Variants in KLHL25 observed in about 807,000 individuals in gnomAD.
The protein encoded by KLHL25 is kelch-like protein 25.
KLHL25 carries 41 observed loss-of-function variants against 30.0 expected under a neutral mutation model. That is an observed-to-expected ratio of 1.37 (90% CI 1.07 to 1.78). The LOEUF (loss-of-function observed/expected upper bound fraction) is 1.78. Among genes scored for constraint, KLHL25 ranks in the 40% most tolerant of loss-of-function variants. KLHL25 has a pLI of 0.00. For synonymous variants in KLHL25, 399 were observed against 355.3 expected, an observed-to-expected ratio of 1.12 and a Z score of -1.38; for missense variants, 971 against 824.5, an observed-to-expected ratio of 1.18 and a Z score of -2.18.
In KLHL25 at chr15:85,768,121, T is replaced by C; in HGVS notation, c.1690A>G (p.Thr564Ala). The change falls in exon 2 of 3, where the codon ACA (threonine) becomes GCA (alanine). Residue 564 changes from threonine (T) to alanine (A), a missense_variant. By Grantham distance (58) the Thr-to-Ala change is moderately conservative. Transcript: ENST00000337975. ...TLDCYDPTSD[T>A]WNCITTVPYS... ...GGCACTGTGGTGATGCAGTTCCATG[T>C]ATCTGAAGTGGGGTCATAGCAGTCC... The C allele has an allele frequency of 6.2e-7, 1 of 1,614,234 alleles. No individual in the cohort carries two copies. Among genetic ancestry groups the C allele is most frequent in the Non-Finnish European group, 8.5e-7 (1 of 1,180,040 alleles).
intron 1 of KLHL25, among the ~76,000 whole-genome samples, chr15:85,774,969 C>A (rs1358704423): frequency 6.6e-6 from 1 of 151,872 alleles, no homozygotes; most frequent in African/African-American, 2.4e-5. Flanking sequence ...CTCCGACTCC[C>A]AGGTTCAAGC....
chr15:85,769,346 G>A lies in KLHL25; in HGVS notation c.465C>T (p.Leu155=), dbSNP rs772382932. ...FPSNCLGMML[L]SDAHQCRRLY... ...GCCGGCGGCACTGGTGGGCGTCCGA[G>A]AGCAGCATCATGCCCAGGCAGTTGG... Residue 155 remains leucine, a synonymous_variant, in exon 2 of 3, where the codon CTC becomes CTT. Transcript: ENST00000337975. 6 of 1,614,008 alleles carry A rather than the reference G, an allele frequency of 3.7e-6. No homozygotes were observed. The highest frequency in any genetic ancestry group is 1.7e-5 in the Admixed American group (1 of 60,010).
At chr15:85,781,927 G>C (rs557799576) in intron 1 of KLHL25, among the ~76,000 whole-genome samples, 1 of 152,152 alleles carries the variant, frequency 6.6e-6, no homozygotes. Context: ...TGTCACCGGA[G>C]GCAGCTGGAC....
rs778653449 is a variant in KLHL25 at position 85,768,386 on chromosome 15, C to G, written c.1425G>C (p.Lys475Asn). Residue 475 changes from lysine (K) to asparagine (N), a missense_variant, in exon 2 of 3, where the codon AAG becomes AAC. Transcript: ENST00000337975. ...YDPSENRWTI[K>N]AECPQPWRYT... ...ACCGCCAAGGCTGGGGGCACTCGGC[C>G]TTGATCGTCCACCTGTTCTCCGAGG... The G allele has an allele frequency of 6.2e-7, 1 of 1,613,702 alleles. No homozygotes were observed.
intron 2 of KLHL25, among the ~76,000 whole-genome samples, chr15:85,765,599 C>A (rs1226497176): frequency 1.4e-5 from 2 of 141,842 alleles, no homozygotes; most frequent in African/African-American, 2.6e-5. Context: ...ACACTCCAGC[C>A]TGGGGGAGAA....
At chr15:85,793,732 T>G (rs529910639) in intron 1 of KLHL25, among the ~76,000 whole-genome samples, 33 of 152,084 alleles carry the variant, frequency 2.2e-4, no homozygotes, top group Middle Eastern at 6.8e-3. Context: ...GCCGATAGAG[T>G]GGAACCAAAT....
chr15:85,763,153 G>A (rs1243041185), intron 2 of KLHL25: 1 of 152,464 alleles, frequency 6.6e-6, no homozygotes, highest in Non-Finnish European at 1.5e-5. Context: ...ATCACCCTTA[G>A]TGGGTAAGCG....
intron 1 of KLHL25, among the ~76,000 whole-genome samples, chr15:85,781,258 C>T (rs546764385): frequency 1.3e-5 from 2 of 152,200 alleles, no homozygotes; most frequent in Non-Finnish European, 2.9e-5. Context: ...GCCTGTCCTG[C>T]ACTTTGAATG....
At chr15:85,773,627 C>T (rs1049751324) in intron 1 of KLHL25, among the ~76,000 whole-genome samples, 1 of 152,046 alleles carries the variant, frequency 6.6e-6, no homozygotes, top group African/African-American at 2.4e-5. Flanking sequence ...GTGTCATCCT[C>T]CGAACTGCTG....
chr15:85,779,563 A>G (rs958463257), intron 1 of KLHL25, among the ~76,000 whole-genome samples: 6 of 152,318 alleles, frequency 3.9e-5, no homozygotes, highest in Non-Finnish European at 5.9e-5. Flanking sequence ...CACAACTACT[A>G]TTTTCACTAT....
In KLHL25 at chr15:85,778,303, C is replaced by T. The variant is rs529603706; in HGVS notation, c.-10-8483G>A. Among the ~76,000 whole-genome samples the T allele has an allele frequency of 5.9e-4, 90 of 152,348 alleles. 1 individual carries two copies. Among genetic ancestry groups the T allele is most frequent in the Admixed American group, 5.3e-3 (81 of 15,302 alleles). On this transcript the variant is annotated intron_variant, in intron 1 of 2. Coordinates refer to ENST00000337975, the MANE Select transcript of KLHL25 (RefSeq NM_022480.4). ...CTGGCCAAATCCAGCTACACGCCTT[C>T]ACTCACCCACCAGAGAGCCAGAAAG...
chr15:85,789,115 G>C lies in KLHL25; in HGVS notation c.-11+5651C>G, dbSNP rs563035386. On this transcript the variant is annotated intron_variant, in intron 1 of 2. Transcript: ENST00000337975. This position sits in a 1 kb window ranked among gnomAD's most constrained non-coding sequence, Gnocchi z 4.1. Reference sequence around the variant, plus strand: ...CAGCCTCTCCTTGGGGGCCCAATGGGAACAGGCAAAAAATGTAAGCAAGGC... The same window carrying C: ...CAGCCTCTCCTTGGGGGCCCAATGGCAACAGGCAAAAAATGTAAGCAAGGC... 2.0e-5 allele frequency among the ~76,000 whole-genome samples: 3 copies of C among 152,094 alleles called. No individual in the cohort carries two copies. Among genetic ancestry groups the C allele is most frequent in the Non-Finnish European group, 4.4e-5 (3 of 68,010 alleles).
chr15:85,780,067 C>A (rs1795194999), intron 1 of KLHL25, among the ~76,000 whole-genome samples: 1 of 152,188 alleles, frequency 6.6e-6, no homozygotes, highest in African/African-American at 2.4e-5. Flanking sequence ...GGGGTGGCAG[C>A]CCCTCTAAAC....
intron 1 of KLHL25, among the ~76,000 whole-genome samples, chr15:85,781,159 G>C (rs908107545): frequency 4.6e-5 from 7 of 152,140 alleles, no homozygotes; most frequent in African/African-American, 1.7e-4. Flanking sequence ...ACATGGTGGT[G>C]GCGGGCACCT....
intron 1 of KLHL25, among the ~76,000 whole-genome samples, chr15:85,785,179 C>T (rs1323898527): frequency 6.7e-6 from 1 of 149,174 alleles, no homozygotes; most frequent in African/African-American, 2.5e-5. Flanking sequence ...CTGCCAGCTC[C>T]GCCTCCCGGG....
rs2089638445 is a variant in KLHL25, at chr15:85,768,311, G to A, written c.1500C>T (p.Asp500=). The change falls in exon 2 of 3, where the codon GAC becomes GAT. Residue 500 remains aspartate (D), a synonymous_variant. Coordinates refer to ENST00000337975, the MANE Select transcript of KLHL25 (RefSeq NM_022480.4). The stretch of plus-strand genomic sequence containing the variant: ...AGGCCGAGGCGGCTGTGAATTCCGT[G>A]TCACCTCCCATGATGAAGATCTGGC... ...LGSQIFIMGG[D]TEFTAASAYR... 8 of 1,613,994 alleles carry A rather than the reference G, an allele frequency of 5.0e-6. No homozygotes were observed. Among genetic ancestry groups the A allele is most frequent in the Non-Finnish European group, 6.8e-6 (8 of 1,180,044 alleles).
At chr15:85,771,552 T>C (rs1415723694) in intron 1 of KLHL25, among the ~76,000 whole-genome samples, 1 of 152,224 alleles carries the variant, frequency 6.6e-6, no homozygotes, top group Non-Finnish European at 1.5e-5. Flanking sequence ...AGATTAGAGC[T>C]AGCAAGGTCC....
intron 1 of KLHL25, among the ~76,000 whole-genome samples, chr15:85,787,105 GC>G (rs561499384): frequency 6.7e-5 from 5 of 74,430 alleles, no homozygotes; most frequent in African/African-American, 2.7e-4. Flanking sequence ...GATTCCACCC[GC>G]CCCCCCACCC....
chr15:85,792,623 G>A (rs1305602570), intron 1 of KLHL25, among the ~76,000 whole-genome samples: 1 of 152,168 alleles, frequency 6.6e-6, no homozygotes, highest in African/African-American at 2.4e-5. Context: ...CAGACACTAC[G>A]GACGAGAGCA....
Sources: allele counts gnomAD v4.1 joint callset (sites outside exome capture counted in the v4.1 genomes callset), GRCh38; gene constraint gnomAD v4.1.1; non-coding constraint Gnocchi (gnomAD v3.1); transcripts MANE v1.5; gene names NCBI Gene and HGNC (gene_info 2026-07-23, HGNC 2026-07-21).